The following HAPLN1 variants were observed in gnomAD, a reference collection of about 807,000 sequenced individuals.
The protein encoded by HAPLN1 is hyaluronan and proteoglycan link protein 1.
A neutral mutation model predicts 36.5 loss-of-function variants in HAPLN1; 13 were observed. The ratio of observed to expected loss-of-function variants is 0.36; its 90% CI spans 0.23 to 0.57. HAPLN1 has a LOEUF of 0.57. HAPLN1 is among the 20% of genes least tolerant of loss of function. HAPLN1 has a pLI of 0.83. For missense variants in HAPLN1, 407 were observed against 439.7 expected (o/e 0.93, Z 0.66); for synonymous variants, 202 against 169.8 (o/e 1.19, Z -1.48).
chr5:83,655,767 T>C (rs1750191768), intron 2 of HAPLN1, among the ~76,000 whole-genome samples: 1 of 152,164 alleles, frequency 6.6e-6, no homozygotes, highest in African/African-American at 2.4e-5. Context: ...GGCTCTCCCA[T>C]GCCTTAGCTG....
Position 83,649,125 on chromosome 5 carries a change from CAAAAT to C in HAPLN1, c.472+3323_472+3327del, listed in dbSNP as rs540742034. Among the ~76,000 whole-genome samples the C allele has an allele frequency of 2.1e-3, 317 of 152,192 alleles. 1 individual carries two copies. The highest frequency in any genetic ancestry group is 3.3e-3 in the Admixed American group (51 of 15,294). On this transcript the variant is annotated intron_variant, in intron 3 of 4. Transcript: ENST00000274341. ...TTCAGTGGTAGTGGGAGTAAGAAAG[CAAAAT>C]AAAATAAGATTGGCTATATCATGAT...
intron 1 of HAPLN1, among the ~76,000 whole-genome samples, chr5:83,686,660 A>G (rs1002688555): frequency 1.3e-5 from 2 of 152,274 alleles, no homozygotes; most frequent in Middle Eastern, 3.4e-3. Flanking sequence ...AAACACACAC[A>G]CATATCTCAT....
intron 1 of HAPLN1, among the ~76,000 whole-genome samples, chr5:83,710,047 G>A (rs1193879619): frequency 2.6e-5 from 4 of 152,178 alleles, no homozygotes; most frequent in Non-Finnish European, 5.9e-5. Flanking sequence ...GAAAGAAAAA[G>A]ACTTCATTAT....
intron 1 of HAPLN1, among the ~76,000 whole-genome samples, chr5:83,691,609 T>C (rs1751275338): frequency 6.6e-6 from 1 of 151,994 alleles, no homozygotes; most frequent in Admixed American, 6.6e-5. Flanking sequence ...CTAAGTACCT[T>C]AACCATATCT....
chr5:83,699,283 T>C (rs1444037865), intron 1 of HAPLN1, among the ~76,000 whole-genome samples: 2 of 152,238 alleles, frequency 1.3e-5, no homozygotes, highest in Non-Finnish European at 2.9e-5. Flanking sequence ...TAAAACTATA[T>C]AGTGACTCCA....
intron 2 of HAPLN1, among the ~76,000 whole-genome samples, chr5:83,666,189 A>G (rs929111647): frequency 6.6e-6 from 1 of 152,112 alleles, no homozygotes; most frequent in African/African-American, 2.4e-5. Context: ...GTAATTTTCC[A>G]CTTTCCACTT....
rs557584347 is a variant in HAPLN1 at position 83,655,628 on chromosome 5, A to G, written c.101-2804T>C. On this transcript the variant is annotated intron_variant, in intron 2 of 4. Coordinates refer to ENST00000274341, the MANE Select transcript of HAPLN1 (RefSeq NM_001884.4). ...TGTAACATATTTAGTGACTAAGGCCATTAAGGTTCCTTAGGCTAAACCTCC... is the reference window on the plus strand; with the variant it reads ...TGTAACATATTTAGTGACTAAGGCCGTTAAGGTTCCTTAGGCTAAACCTCC... 2.0e-5 allele frequency among the ~76,000 whole-genome samples: 3 copies of G among 152,260 alleles called. No homozygotes were observed. In the South Asian group the frequency reaches 6.2e-4, roughly 32 times the overall value.
At chr5:83,682,394 T>G (rs1456430332) in intron 1 of HAPLN1, 3 of 152,194 alleles carry the variant, frequency 2.0e-5, no homozygotes, top group Non-Finnish European at 2.9e-5. Flanking sequence ...CAATTCTGAT[T>G]TTGTACTACA....
chr5:83,706,091 T>C (rs918031973), intron 1 of HAPLN1, among the ~76,000 whole-genome samples: 6 of 117,626 alleles, frequency 5.1e-5, no homozygotes, highest in African/African-American at 2.0e-4. Context: ...CAGTAATAAA[T>C]AGCCTACCAA....
intron 2 of HAPLN1, among the ~76,000 whole-genome samples, chr5:83,665,918 G>C (rs1750538130): frequency 6.6e-6 from 1 of 152,182 alleles, no homozygotes; most frequent in Non-Finnish European, 1.5e-5. Flanking sequence ...TATTTGTACT[G>C]ACTACTTGAT....
chr5:83,643,141 T>A (rs552485957), intron 4 of HAPLN1, among the ~76,000 whole-genome samples: 1 of 151,890 alleles, frequency 6.6e-6, no homozygotes, highest in Non-Finnish European at 1.5e-5. Flanking sequence ...CTGGCCAACA[T>A]AGTGAAACCC....
chr5:83,668,581 T>C (rs993400824), intron 2 of HAPLN1, among the ~76,000 whole-genome samples: 1 of 152,272 alleles, frequency 6.6e-6, no homozygotes, highest in Non-Finnish European at 1.5e-5. Flanking sequence ...GTTCATTAAG[T>C]GCACACAATG....
chr5:83,715,551 G>A (rs1020165071), intron 1 of HAPLN1, among the ~76,000 whole-genome samples: 1 of 152,222 alleles, frequency 6.6e-6, no homozygotes, highest in African/African-American at 2.4e-5. Flanking sequence ...ACCTAGCGTG[G>A]TGCCTGCCTG....
At chr5:83,689,908 A>G (rs1751230773) in intron 1 of HAPLN1, among the ~76,000 whole-genome samples, 1 of 152,116 alleles carries the variant, frequency 6.6e-6, no homozygotes. Context: ...GAAGGGTCAG[A>G]GATAGGAAAT....
chr5:83,663,177 G>A (rs1317290498), intron 2 of HAPLN1, among the ~76,000 whole-genome samples: 2 of 152,164 alleles, frequency 1.3e-5, no homozygotes, highest in Non-Finnish European at 2.9e-5. Context: ...GCAGATACAG[G>A]TTCCCAGTGA....
chr5:83,686,647 C>A (rs1188490387), intron 1 of HAPLN1, among the ~76,000 whole-genome samples: 2 of 152,130 alleles, frequency 1.3e-5, no homozygotes, highest in Non-Finnish European at 2.9e-5. Flanking sequence ...TCAAATTCAA[C>A]ACAAACACAC....
At chr5:83,709,189 T>G (rs1366080576) in intron 1 of HAPLN1, among the ~76,000 whole-genome samples, 1 of 152,356 alleles carries the variant, frequency 6.6e-6, no homozygotes, top group Non-Finnish European at 1.5e-5. Context: ...TTCTCTAAAC[T>G]CACAGAGATA....
At chr5:83,680,189 G>C (rs1490487087) in intron 1 of HAPLN1, among the ~76,000 whole-genome samples, 1 of 152,140 alleles carries the variant, frequency 6.6e-6, no homozygotes, top group Non-Finnish European at 1.5e-5. Flanking sequence ...GGTAATGCTT[G>C]AGATGGGGGT....
chr5:83,653,611 CTCTT>C (rs1410048339), intron 2 of HAPLN1, among the ~76,000 whole-genome samples: 13 of 152,316 alleles, frequency 8.5e-5, no homozygotes, highest in Non-Finnish European at 4.4e-5. Context: ...TCTATTCTCT[CTCTT>C]TGCTTTCTGC....
Sources: allele counts gnomAD v4.1 joint callset (sites outside exome capture counted in the v4.1 genomes callset), GRCh38; gene constraint gnomAD v4.1.1; transcripts MANE v1.5; gene names NCBI Gene and HGNC (gene_info 2026-07-23, HGNC 2026-07-21).